Variants in ADAM28 observed in about 807,000 individuals in gnomAD.
ADAM28 encodes disintegrin and metalloproteinase domain-containing protein 28.
Under a neutral mutation model 101.2 loss-of-function variants are expected in ADAM28, and 105 were observed. The observed-to-expected ratio is 1.04, with a 90% CI of 0.89 to 1.22. ADAM28 has a LOEUF of 1.22. Ranked by LOEUF, ADAM28 falls within the 50% of genes most tolerant of loss-of-function variation. ADAM28 has a pLI of 0.00. For missense variants in ADAM28, 1,028 were observed against 945.4 expected, an observed-to-expected ratio of 1.09 and a Z score of -1.15; for synonymous variants, 322 against 310.6, an observed-to-expected ratio of 1.04 and a Z score of -0.39.
At position 24,331,275 on chromosome 8, in the gene ADAM28, G is replaced by A. The variant is rs1246533351; in HGVS notation, c.1229G>A (p.Cys410Tyr). The change falls in exon 12 of 23, where the codon TGT becomes TAT. Residue 410 changes from cysteine (C) to tyrosine (Y), a missense_variant. Transcript: ENST00000265769. ...ACAGATATCATATCCACTCCAATTT[G>A]TGGGAACCAGTTGGTGGAAATGGGA... ...LPTDIISTPI[C>Y]GNQLVEMGED... 3 of 1,612,682 alleles carry A rather than the reference G, an allele frequency of 1.9e-6. No homozygotes were observed. The highest frequency in any genetic ancestry group is 2.5e-6 in the Non-Finnish European group (3 of 1,179,320).
chr8:24,331,794 C>T (rs1023874768), intron 12 of ADAM28, among the ~76,000 whole-genome samples: 7 of 152,090 alleles, frequency 4.6e-5, no homozygotes, highest in African/African-American at 1.7e-4. Context: ...GCACAGGGAT[C>T]TGGTTCATCC....
rs755238936 is a variant in ADAM28 at position 24,356,696 on chromosome 8, C to T, written c.*2292C>T. 6.6e-6 allele frequency: 1 copy of T among 152,152 alleles called. No individual in the cohort carries two copies. The highest frequency in any genetic ancestry group is 1.5e-5 in the Non-Finnish European group (1 of 68,018). 9.4% of individuals were successfully genotyped at this position (152,152 alleles called of 1,614,324 possible). A position where few individuals can be genotyped will look rare whatever the true frequency, so the allele number is the denominator to read the frequency against. On this transcript the variant is annotated 3_prime_UTR_variant, in exon 23 of 23. Transcript: ENST00000265769. ...CTTTAAGGGAATTCCGCTTATTTGA[C>T]ATTTAACTACCTCAGATATGCCACC...
rs1050056924 is a variant in ADAM28 at position 24,345,738 on chromosome 8, G to T, written c.1990+2154G>T. On this transcript the variant is annotated intron_variant, in intron 18 of 22. Transcript: ENST00000265769. ...TTTTCTTTAGTTATCATCCAATAAG[G>T]TTGAATTAATTCTGATAAGCACTGT... is the stretch of plus-strand genomic sequence containing the variant. Among the ~76,000 whole-genome samples the T allele has an allele frequency of 2.6e-5, 4 of 151,872 alleles. No homozygotes were observed. In the South Asian group the frequency reaches 8.3e-4, roughly 32 times the overall value.
At chr8:24,313,287 T>C in intron 5 of ADAM28, 101 bp from the exon 6 acceptor site, 1 of 1,129,154 alleles carries the variant, frequency 8.9e-7, no homozygotes, top group Non-Finnish European at 1.2e-6. Context: ...GTTTTTGACA[T>C]TGACTAGGAA....
intron 9 of ADAM28, 145 bp downstream of exon 9, chr8:24,324,148 G>C: frequency 1.6e-6 from 1 of 632,208 alleles, no homozygotes; most frequent in Non-Finnish European, 2.4e-6. Flanking sequence ...CTCTTATTTT[G>C]GATCCAAGTA....
At chr8:24,305,133 C>T (rs1809394142) in intron 2 of ADAM28, among the ~76,000 whole-genome samples, 3 of 151,732 alleles carry the variant, frequency 2.0e-5, no homozygotes, top group Non-Finnish European at 2.9e-5. Context: ...GGATTTCTTG[C>T]TACTTAAAAT....
chr8:24,317,111 G>A (rs905935362), intron 6 of ADAM28, among the ~76,000 whole-genome samples: 2 of 151,938 alleles, frequency 1.3e-5, no homozygotes, highest in African/African-American at 2.4e-5. Flanking sequence ...TTGTTAAAAT[G>A]TTCATACTAC....
In ADAM28 at chr8:24,309,290, T is replaced by A. The variant is rs575385605; in HGVS notation, c.151-604T>A. Among the ~76,000 whole-genome samples the A allele has an allele frequency of 2.0e-5, 3 of 152,336 alleles. No individual in the cohort carries two copies. The South Asian group carries it at 6.2e-4, about 32-fold the overall frequency. On this transcript the variant is annotated intron_variant, in intron 2 of 22. Coordinates refer to ENST00000265769, the MANE Select transcript of ADAM28 (RefSeq NM_014265.6). The stretch of plus-strand genomic sequence containing the variant: ...ACAGTATACATTCCTGTTATGTTTC[T>A]CATAGTTTATGTTCCAGTTAGTCTT...
chr8:24,300,161 A>G, intron 2 of ADAM28, 84 bp downstream of exon 2: 1 of 1,145,786 alleles, frequency 8.7e-7, no homozygotes, highest in Non-Finnish European at 1.3e-6. Flanking sequence ...TGAGAGATAG[A>G]TATGGGATTT....
intron 6 of ADAM28, among the ~76,000 whole-genome samples, chr8:24,315,462 A>T (rs1255966045): frequency 6.6e-6 from 1 of 152,060 alleles, no homozygotes; most frequent in Non-Finnish European, 1.5e-5. Flanking sequence ...AGGTTGAATC[A>T]GAAAGAAGTA....
intron 1 of ADAM28, among the ~76,000 whole-genome samples, chr8:24,298,245 T>A (rs2129230725): frequency 6.6e-6 from 1 of 152,036 alleles, no homozygotes; most frequent in South Asian, 2.1e-4. Context: ...AATTTTGAAT[T>A]TTTTTTTAGA....
chr8:24,299,508 A>T (rs1808418407), intron 1 of ADAM28, among the ~76,000 whole-genome samples: 1 of 152,184 alleles, frequency 6.6e-6, no homozygotes, highest in African/African-American at 2.4e-5. Flanking sequence ...AATCCAAGAA[A>T]AATAGAATAA....
chr8:24,313,765 T>C (rs1485937836), intron 6 of ADAM28, among the ~76,000 whole-genome samples, 185 bp downstream of exon 6: 1 of 151,890 alleles, frequency 6.6e-6, no homozygotes, highest in Non-Finnish European at 1.5e-5. Flanking sequence ...ACTATTTTTT[T>C]TTTTTTTTTG....
rs772900035 is a variant in ADAM28, at chr8:24,352,062, C to G, written c.2244+10C>G. On this transcript the variant is annotated intron_variant, in intron 21 of 22. Coordinates refer to ENST00000265769, the MANE Select transcript of ADAM28 (RefSeq NM_014265.6). ...GCCCCCAGCCTCTTTTGTGAGTTAG[C>G]AACTTCTCTTAAATACCACCCTAGT... 1.4e-5 allele frequency: 23 copies of G among 1,613,046 alleles called. No homozygotes were observed. The highest frequency in any genetic ancestry group is 1.8e-5 in the Non-Finnish European group (21 of 1,179,226).
intron 9 of ADAM28, 83 bp from the exon 10 acceptor site, chr8:24,326,471 C>T: frequency 7.7e-7 from 1 of 1,295,784 alleles, no homozygotes; most frequent in Admixed American, 1.9e-5. Flanking sequence ...TTTCTGCTAA[C>T]CATTTAGGGT....
At chr8:24,336,240 A>G (rs1474495867) in intron 14 of ADAM28, 8 of 901,008 alleles carry the variant, frequency 8.9e-6, no homozygotes, top group Non-Finnish European at 1.1e-5. Context: ...AACTTGAAAA[A>G]TAAAAGTTTA....
At chr8:24,316,599 A>G (rs1031858111) in intron 6 of ADAM28, among the ~76,000 whole-genome samples, 1 of 152,064 alleles carries the variant, frequency 6.6e-6, no homozygotes, top group African/African-American at 2.4e-5. Context: ...TTTTAAATTA[A>G]AAGCCATTTA....
chr8:24,342,939 G>T, intron 16 of ADAM28, 162 bp from the exon 17 acceptor site: 1 of 1,343,280 alleles, frequency 7.4e-7, no homozygotes, highest in Non-Finnish European at 9.9e-7. Context: ...TTAACTAAGA[G>T]GATAATGTAA....
chr8:24,304,955 T>A (rs941149049), intron 2 of ADAM28, among the ~76,000 whole-genome samples: 9 of 151,834 alleles, frequency 5.9e-5, no homozygotes, highest in Admixed American at 6.6e-5. Context: ...GGTGCTGCCC[T>A]GTGTAGCCCA....
Sources: gnomAD v4.1 joint callset for allele counts (sites outside exome capture counted in the v4.1 genomes callset) on GRCh38, gnomAD v4.1.1 for gene constraint, MANE v1.5 for transcripts, NCBI Gene and HGNC (gene_info 2026-07-23, HGNC 2026-07-21) for gene names.